Variants in EYA3 observed in about 807,000 individuals in gnomAD.
The protein encoded by EYA3 is EYA transcriptional coactivator and phosphatase 3, also known as protein phosphatase EYA3.
Under a neutral mutation model 80.0 loss-of-function variants are expected in EYA3, and 39 were observed. The observed-to-expected ratio is 0.49, with a 90% CI of 0.38 to 0.64. The LOEUF (loss-of-function observed/expected upper bound fraction) is 0.64, where lower values mean the gene tolerates loss of function less well. EYA3 is among the 30% of genes least tolerant of loss of function. The pLI is 0.00. For missense variants in EYA3, 523 were observed against 676.1 expected (o/e 0.77, Z 2.51); for synonymous variants, 206 against 232.8 (o/e 0.88, Z 1.05).
intron 1 of EYA3, among the ~76,000 whole-genome samples, chr1:28,076,988 G>A (rs566470971): frequency 2.0e-5 from 3 of 151,458 alleles, no homozygotes; most frequent in East Asian, 3.9e-4. Context: ...TGATCCACCC[G>A]CCTCAGCCTC....
intron 17 of EYA3, 146 bp downstream of exon 17, chr1:27,978,228 C>A: frequency 1.9e-5 from 11 of 564,350 alleles, no homozygotes; most frequent in South Asian, 1.4e-4. Context: ...AAAAAAAGAC[C>A]CTCTTTTTCT....
At chr1:28,035,224 T>C (rs1643378234) in intron 6 of EYA3, among the ~76,000 whole-genome samples, 1 of 152,138 alleles carries the variant, frequency 6.6e-6, no homozygotes, top group Non-Finnish European at 1.5e-5. Context: ...CCTCGAAATA[T>C]ATTTATTATG....
At chr1:28,075,982 C>T (rs1160893512) in intron 1 of EYA3, among the ~76,000 whole-genome samples, 1 of 152,184 alleles carries the variant, frequency 6.6e-6, no homozygotes, top group Non-Finnish European at 1.5e-5. Flanking sequence ...AAAGCAGACA[C>T]AAATATCCAG....
chr1:28,073,740 G>A (rs1387755540), intron 1 of EYA3, among the ~76,000 whole-genome samples: 1 of 152,034 alleles, frequency 6.6e-6, no homozygotes, highest in Non-Finnish European at 1.5e-5. Flanking sequence ...CTGGCCCTCT[G>A]TATCTCGATG....
At chr1:28,087,314 G>A (rs888268460) in intron 1 of EYA3, among the ~76,000 whole-genome samples, 10 of 151,712 alleles carry the variant, frequency 6.6e-5, no homozygotes, top group Non-Finnish European at 1.5e-5. Context: ...ATGAGAAAAT[G>A]ATAGTTTTAC....
intron 5 of EYA3, among the ~76,000 whole-genome samples, chr1:28,037,183 C>T (rs1001656198): frequency 6.6e-6 from 1 of 152,100 alleles, no homozygotes; most frequent in African/African-American, 2.4e-5. Flanking sequence ...ATTATTTTGA[C>T]ACTGCTTTGT....
chr1:28,013,120 GTC>G lies in EYA3; in HGVS notation c.758_759del (p.Arg253ThrfsTer19). ...GAGCTGCGGTGCTTACCAGAGGAAA[GTC>G]TCTGTGCTGCAGGTGCAGGCGCCAT... ...SVMAPAPAAQ[R>X]LSSGDPSTSP... On this transcript the variant is annotated frameshift_variant, in exon 9 of 18. Transcript: ENST00000373871. LOFTEE classifies it high-confidence loss of function. The surrounding 1 kb of genome is among the most constrained non-coding windows in gnomAD (Gnocchi z 4.0). 6.2e-7 allele frequency: 1 copy of G among 1,612,424 alleles called. No homozygotes were observed. The highest frequency in any genetic ancestry group is 8.5e-7 in the Non-Finnish European group (1 of 1,179,542).
intron 16 of EYA3, among the ~76,000 whole-genome samples, chr1:27,984,699 T>C (rs1224278654): frequency 6.6e-6 from 1 of 152,188 alleles, no homozygotes; most frequent in Non-Finnish European, 1.5e-5. Context: ...AGCACCGTTA[T>C]TATTTTTCCT....
intron 1 of EYA3, among the ~76,000 whole-genome samples, chr1:28,068,892 C>T (rs1171191305): frequency 4.0e-5 from 6 of 151,764 alleles, no homozygotes; most frequent in African/African-American, 1.5e-4. Context: ...CTGCAACCTC[C>T]GCCTCCTGGG....
At chr1:28,001,076 G>A (rs1196530570) in intron 11 of EYA3, among the ~76,000 whole-genome samples, 1 of 151,468 alleles carries the variant, frequency 6.6e-6, no homozygotes, top group East Asian at 1.9e-4. Context: ...AAGTGTGTAC[G>A]TGTGTTTGTG....
chr1:28,073,359 G>A lies in EYA3; in HGVS notation c.-69+15165C>T, dbSNP rs185854984. Among the ~76,000 whole-genome samples the A allele has an allele frequency of 9.2e-4, 134 of 146,260 alleles. 1 individual carries two copies. In the East Asian group the frequency reaches 0.021, roughly 23 times the overall value. On this transcript the variant is annotated intron_variant, in intron 1 of 17. Transcript: ENST00000373871. ...GTCACCCAGGCAGGAGTGCAGTGGC[G>A]CGATCTTGGCTCACTGCAACCACCA...
chr1:27,994,203 G>A (rs936887184), intron 13 of EYA3, among the ~76,000 whole-genome samples: 1 of 152,186 alleles, frequency 6.6e-6, no homozygotes, highest in African/African-American at 2.4e-5. Flanking sequence ...CTCTCTTGGA[G>A]CACTTGCTCT....
At chr1:28,022,051 A>G (rs1411765668) in intron 7 of EYA3, among the ~76,000 whole-genome samples, 3 of 152,204 alleles carry the variant, frequency 2.0e-5, no homozygotes, top group Non-Finnish European at 4.4e-5. Flanking sequence ...TCATTCGTTC[A>G]CTTAATCCTT....
At chr1:28,042,697 A>G in intron 3 of EYA3, 47 bp from the exon 4 acceptor site, 4 of 1,513,478 alleles carry the variant, frequency 2.6e-6, no homozygotes, top group Non-Finnish European at 3.7e-6. Context: ...GATTTGCTGC[A>G]TTGCTAAAAA....
chr1:28,003,599 G>A (rs1437127692), intron 11 of EYA3, among the ~76,000 whole-genome samples: 1 of 152,076 alleles, frequency 6.6e-6, no homozygotes, highest in Admixed American at 6.5e-5. Flanking sequence ...TTAGAGATGG[G>A]GTCTCGCTAA....
chr1:28,087,098 C>T (rs1290102476), intron 1 of EYA3, among the ~76,000 whole-genome samples: 1 of 152,128 alleles, frequency 6.6e-6, no homozygotes, highest in Non-Finnish European at 1.5e-5. Flanking sequence ...TTATAGATTA[C>T]AGAAACTGAT....
At chr1:28,049,362 T>C (rs1000515437) in intron 2 of EYA3, among the ~76,000 whole-genome samples, 3 of 152,226 alleles carry the variant, frequency 2.0e-5, no homozygotes, top group African/African-American at 7.2e-5. Context: ...AATGTTCTCT[T>C]AATTTTCATA....
intron 1 of EYA3, among the ~76,000 whole-genome samples, chr1:28,073,128 T>TATA (rs58073802): frequency 5.8e-4 from 17 of 29,236 alleles, no homozygotes; most frequent in African/African-American, 2.8e-3. Flanking sequence ...TATATATATA[T>TATA]TTTTTTTTTT....
chr1:28,043,024 T>C (rs1203447962), intron 3 of EYA3, among the ~76,000 whole-genome samples: 1 of 152,130 alleles, frequency 6.6e-6, no homozygotes, highest in Non-Finnish European at 1.5e-5. Flanking sequence ...TTTGTATTTT[T>C]AGTAGAGACG....
Sources: gnomAD v4.1 joint callset for allele counts (sites outside exome capture counted in the v4.1 genomes callset) on GRCh38, gnomAD v4.1.1 for gene constraint, Gnocchi (gnomAD v3.1) non-coding constraint, MANE v1.5 for transcripts, NCBI Gene and HGNC (gene_info 2026-07-23, HGNC 2026-07-21) for gene names.